SLC39A10: variants seen among roughly 807,000 people sequenced by gnomAD.
The protein encoded by SLC39A10 is solute carrier family 39 member 10, also known as zinc transporter ZIP10.
A neutral mutation model predicts 65.1 loss-of-function variants in SLC39A10; 13 were observed. That is an observed-to-expected ratio of 0.20 (90% CI 0.13 to 0.32). The LOEUF is 0.32. Ranked by LOEUF, SLC39A10 falls within the 10% of genes least tolerant of loss-of-function variation. SLC39A10 has a pLI of 1.00. For synonymous variants in SLC39A10, 321 were observed against 342.2 expected, an observed-to-expected ratio of 0.94 and a Z score of 0.68; for missense variants, 831 against 1,018.4, an observed-to-expected ratio of 0.82 and a Z score of 2.50.
chr2:195,705,606 TAA>T (rs1691371492), intron 3 of SLC39A10, among the ~76,000 whole-genome samples: 1 of 150,600 alleles, frequency 6.6e-6, no homozygotes, highest in African/African-American at 2.5e-5. Flanking sequence ...ATCACAGACT[TAA>T]TATAAAGTCT....
In SLC39A10 at chr2:195,691,151, T is replaced by G. The variant is rs966858605; in HGVS notation, c.1216+7245T>G. ...CTTCACTTAGAATAATAGTCTCCAA[T>G]TCCATCCAGGTTTCTGCAAATGCCA... is the stretch of plus-strand genomic sequence containing the variant. On this transcript the variant is annotated intron_variant, in intron 3 of 9. Transcript: ENST00000359634. Among the ~76,000 whole-genome samples, 24 of 152,334 alleles carry G rather than the reference T, an allele frequency of 1.6e-4. 1 individual carries two copies. Among genetic ancestry groups the G allele is most frequent in the South Asian group, 1.2e-3 (6 of 4,826 alleles).
At position 195,683,693 on chromosome 2, in the gene SLC39A10, T is replaced by C; in HGVS notation, c.1009-6T>C. ...TATTTAATTTGTTTTATCACTTTCC[T>C]TGCAGTGTTTGAACGTCACTCAGTT... On this transcript the variant is annotated splice_region_variant and splice_polypyrimidine_tract_variant and intron_variant, in intron 2 of 9. Transcript: ENST00000359634. The C allele has an allele frequency of 2.5e-6, 4 of 1,609,484 alleles. No homozygotes were observed. Among genetic ancestry groups the C allele is most frequent in the Non-Finnish European group, 3.4e-6 (4 of 1,176,912 alleles).
At chr2:195,732,148 T>C (rs147577867) in intron 9 of SLC39A10, among the ~76,000 whole-genome samples, 4 of 152,296 alleles carry the variant, frequency 2.6e-5, no homozygotes, top group African/African-American at 9.6e-5. Flanking sequence ...TCGCACAACA[T>C]GCCATACCAA....
intron 2 of SLC39A10, among the ~76,000 whole-genome samples, chr2:195,623,092 T>G (rs114762079): frequency 0.016 from 2,384 of 152,082 alleles, 50 homozygotes; most frequent in African/African-American, 0.054. Flanking sequence ...AAGCAATGAT[T>G]ACCTAGGCTA....
At chr2:195,722,434 C>T (rs1171154328) in intron 8 of SLC39A10, among the ~76,000 whole-genome samples, 2 of 152,172 alleles carry the variant, frequency 1.3e-5, no homozygotes, top group Admixed American at 1.3e-4. Flanking sequence ...GTCTAGGGAC[C>T]ATAAATAAAG....
At chr2:195,619,363 C>T (rs1203641426) in intron 2 of SLC39A10, among the ~76,000 whole-genome samples, 1 of 152,162 alleles carries the variant, frequency 6.6e-6, no homozygotes, top group Non-Finnish European at 1.5e-5. Context: ...CTAGCTTGTG[C>T]ATGTGGTGCT....
At chr2:195,696,054 C>T (rs1387765374) in intron 3 of SLC39A10, among the ~76,000 whole-genome samples, 1 of 152,110 alleles carries the variant, frequency 6.6e-6, no homozygotes, top group Non-Finnish European at 1.5e-5. Context: ...TTCTTTCTGT[C>T]ATTAAATGAT....
At chr2:195,651,610 G>T (rs1348206679) in intron 2 of SLC39A10, among the ~76,000 whole-genome samples, 1 of 152,122 alleles carries the variant, frequency 6.6e-6, no homozygotes, top group Non-Finnish European at 1.5e-5. Flanking sequence ...AAGTAGCTAG[G>T]ATTGCAGGCG....
chr2:195,653,850 A>G (rs1240403873), upstream of SLC39A10, among the ~76,000 whole-genome samples: 1 of 152,228 alleles, frequency 6.6e-6, no homozygotes, highest in Non-Finnish European at 1.5e-5. Flanking sequence ...AGGGGTCTTT[A>G]TCATTGGTTA....
upstream of SLC39A10, among the ~76,000 whole-genome samples, chr2:195,655,431 T>C (rs1349097305): frequency 2.0e-5 from 3 of 152,332 alleles, no homozygotes; most frequent in South Asian, 4.1e-4. Flanking sequence ...AGAAAGGTTA[T>C]GTATGTTTTA....
upstream of SLC39A10, among the ~76,000 whole-genome samples, chr2:195,654,916 T>C (rs1689115540): frequency 6.6e-6 from 1 of 152,170 alleles, no homozygotes. Context: ...TTATTCTATC[T>C]GATAATTTTG....
At chr2:195,712,854 G>A (rs1691647971) in intron 5 of SLC39A10, among the ~76,000 whole-genome samples, 1 of 152,154 alleles carries the variant, frequency 6.6e-6, no homozygotes, top group South Asian at 2.1e-4. Flanking sequence ...ACTACTAAGA[G>A]TCACTTACTG....
chr2:195,696,285 A>G (rs2105794914), intron 3 of SLC39A10, among the ~76,000 whole-genome samples: 1 of 150,090 alleles, frequency 6.7e-6, no homozygotes, highest in Non-Finnish European at 1.5e-5. Context: ...GCAGTTTCAC[A>G]TGAATTTTAG....
chr2:195,674,276 C>CTTATT (rs1047472701), intron 1 of SLC39A10, among the ~76,000 whole-genome samples: 23 of 151,928 alleles, frequency 1.5e-4, no homozygotes, highest in Admixed American at 5.2e-4. Context: ...ACCACTTTTC[C>CTTATT]TTATTTTATT....
intron 8 of SLC39A10, among the ~76,000 whole-genome samples, chr2:195,723,391 G>T (rs1692119846): frequency 1.3e-5 from 2 of 152,168 alleles, no homozygotes; most frequent in Non-Finnish European, 2.9e-5. Context: ...AGAAAAGCCT[G>T]TAGTAGGAGG....
At chr2:195,638,701 AC>A (rs1688742640) in intron 2 of SLC39A10, among the ~76,000 whole-genome samples, 1 of 150,942 alleles carries the variant, frequency 6.6e-6, no homozygotes. Context: ...GTTTCTATAT[AC>A]CCCCCATCCA....
intron 2 of SLC39A10, among the ~76,000 whole-genome samples, chr2:195,641,896 T>C (rs535369653): frequency 3.3e-5 from 5 of 152,154 alleles, no homozygotes; most frequent in African/African-American, 4.8e-5. Context: ...TTCACCATGT[T>C]GACCAGCCTG....
chr2:195,654,724 A>G (rs375130565), upstream of SLC39A10, among the ~76,000 whole-genome samples: 11 of 152,344 alleles, frequency 7.2e-5, no homozygotes, highest in African/African-American at 2.6e-4. Flanking sequence ...AACATATTAG[A>G]AAGTCTTTAC....
At chr2:195,698,646 G>T (rs1156500982) in intron 3 of SLC39A10, among the ~76,000 whole-genome samples, 1 of 151,160 alleles carries the variant, frequency 6.6e-6, no homozygotes, top group Non-Finnish European at 1.5e-5. Flanking sequence ...TTGCATTCCA[G>T]CAATAAATCC....
Sources: gnomAD v4.1 joint callset for allele counts (sites outside exome capture counted in the v4.1 genomes callset) on GRCh38, gnomAD v4.1.1 for gene constraint, MANE v1.5 for transcripts, NCBI Gene and HGNC (gene_info 2026-07-23, HGNC 2026-07-21) for gene names.